The following ITFG1 variants were observed in gnomAD, a reference collection of about 807,000 sequenced individuals.
ITFG1 encodes T-cell immunomodulatory protein.
Under a neutral mutation model 81.8 loss-of-function variants are expected in ITFG1, and 34 were observed. The observed-to-expected ratio is 0.42, with a 90% confidence interval of 0.32 to 0.55. ITFG1 has a LOEUF of 0.55. ITFG1 is among the 20% of genes least tolerant of loss of function. The probability of loss-of-function intolerance (pLI) is 0.17; values close to 1 mark genes in which losing one functional copy is unlikely to be tolerated. For missense variants in ITFG1, 672 were observed against 755.4 expected (o/e 0.89, Z 1.29); for synonymous variants, 285 against 270.6 (o/e 1.05, Z -0.52).
At chr16:47,250,282 T>C (rs755440207) in intron 12 of ITFG1, among the ~76,000 whole-genome samples, 2 of 151,912 alleles carry the variant, frequency 1.3e-5, no homozygotes, top group Non-Finnish European at 2.9e-5. Flanking sequence ...TACAGAAACA[T>C]ATTTTTGAAG....
intron 5 of ITFG1, among the ~76,000 whole-genome samples, chr16:47,431,339 T>C (rs187203016): frequency 1.7e-4 from 26 of 152,306 alleles, no homozygotes; most frequent in Non-Finnish European, 2.6e-4. Context: ...AGTGGTGGCA[T>C]TGGATTCTCA....
chr16:47,275,244 T>A (rs1966385290), intron 10 of ITFG1, among the ~76,000 whole-genome samples: 1 of 152,144 alleles, frequency 6.6e-6, no homozygotes, highest in African/African-American at 2.4e-5. Context: ...TGGAATAATA[T>A]ATTTTCTTTG....
chr16:47,373,641 G>A, intron 7 of ITFG1, among the ~76,000 whole-genome samples: 1 of 152,124 alleles, frequency 6.6e-6, no homozygotes, highest in South Asian at 2.1e-4. Flanking sequence ...AGAAGCAACT[G>A]CTCTTTGAAT....
intron 5 of ITFG1, among the ~76,000 whole-genome samples, chr16:47,442,696 A>T (rs1969269321): frequency 6.6e-6 from 1 of 152,224 alleles, no homozygotes; most frequent in South Asian, 2.1e-4. Context: ...CTGGCTAGCC[A>T]TATGGAGAAA....
chr16:47,202,442 C>G (rs972124093), intron 14 of ITFG1: 2 of 152,060 alleles, frequency 1.3e-5, no homozygotes. Flanking sequence ...CATTAAAACC[C>G]CTTCTCATAA....
chr16:47,269,193 C>T (rs1428099306), intron 10 of ITFG1, among the ~76,000 whole-genome samples: 3 of 151,946 alleles, frequency 2.0e-5, no homozygotes, highest in East Asian at 1.9e-4. Context: ...AAAGGACATC[C>T]GGATTGGAAA....
intron 6 of ITFG1, among the ~76,000 whole-genome samples, chr16:47,397,872 C>A (rs576409382): frequency 1.3e-5 from 2 of 152,248 alleles, no homozygotes; most frequent in South Asian, 4.1e-4. Flanking sequence ...CTAGCCTCTA[C>A]CTTAGAGGAT....
At chr16:47,331,573 A>G (rs1318555696) in intron 8 of ITFG1, among the ~76,000 whole-genome samples, 1 of 152,212 alleles carries the variant, frequency 6.6e-6, no homozygotes, top group Non-Finnish European at 1.5e-5. Context: ...AGGTTATCCT[A>G]ACTTCTGCTT....
At chr16:47,283,590 AGGAATGCT>A (rs1966858791) in intron 10 of ITFG1, among the ~76,000 whole-genome samples, 2 of 152,342 alleles carry the variant, frequency 1.3e-5, no homozygotes, top group South Asian at 2.1e-4. Context: ...CCATGAGCCA[AGGAATGCT>A]GGTATTCTTA....
intron 6 of ITFG1, among the ~76,000 whole-genome samples, chr16:47,415,108 C>A (rs1339367789): frequency 1.3e-5 from 2 of 152,196 alleles, no homozygotes; most frequent in East Asian, 3.8e-4. Context: ...GCAGTTTCAA[C>A]CATAAAAATC....
intron 10 of ITFG1, among the ~76,000 whole-genome samples, chr16:47,262,445 T>G (rs1330506094): frequency 1.3e-5 from 2 of 152,246 alleles, no homozygotes; most frequent in Non-Finnish European, 2.9e-5. Context: ...CACAGAGATG[T>G]AGCACACTCT....
chr16:47,344,126 T>C (rs1967820146), intron 8 of ITFG1, among the ~76,000 whole-genome samples: 1 of 152,160 alleles, frequency 6.6e-6, no homozygotes, highest in Non-Finnish European at 1.5e-5. Context: ...GAATGAGGAA[T>C]TATTGCTTAA....
At chr16:47,406,668 A>G (rs1968733242) in intron 6 of ITFG1, among the ~76,000 whole-genome samples, 1 of 152,190 alleles carries the variant, frequency 6.6e-6, no homozygotes, top group African/African-American at 2.4e-5. Flanking sequence ...GCATTCTAGT[A>G]TGGGAAGAAG....
chr16:47,304,004 T>A (rs566078570), intron 10 of ITFG1, among the ~76,000 whole-genome samples: 1 of 152,196 alleles, frequency 6.6e-6, no homozygotes, highest in South Asian at 2.1e-4. Flanking sequence ...ACTAAGTCAC[T>A]GGGATTTGGA....
chr16:47,368,765 TA>T (rs969519596), intron 7 of ITFG1, among the ~76,000 whole-genome samples: 9 of 152,118 alleles, frequency 5.9e-5, no homozygotes, highest in African/African-American at 2.4e-5. Flanking sequence ...TATCTAGAAA[TA>T]TATAGATATA....
At chr16:47,396,477 G>A (rs1280802629) in intron 6 of ITFG1, among the ~76,000 whole-genome samples, 3 of 148,762 alleles carry the variant, frequency 2.0e-5, no homozygotes, top group African/African-American at 7.7e-5. Flanking sequence ...CTTGAATTTA[G>A]AATGTGAGAC....
chr16:47,291,394 C>T (rs1024968024), intron 10 of ITFG1, among the ~76,000 whole-genome samples: 1 of 151,960 alleles, frequency 6.6e-6, no homozygotes, highest in African/African-American at 2.4e-5. Flanking sequence ...GCCATTTGAC[C>T]ATTTAATTGC....
At chr16:47,286,895 C>T (rs535692727) in intron 10 of ITFG1, among the ~76,000 whole-genome samples, 9 of 152,310 alleles carry the variant, frequency 5.9e-5, no homozygotes, top group African/African-American at 2.2e-4. Flanking sequence ...TTAAAAAACT[C>T]ACTGAACATC....
chr16:47,188,290 G>A (rs1366620260), intron 14 of ITFG1, among the ~76,000 whole-genome samples: 1 of 152,092 alleles, frequency 6.6e-6, no homozygotes, highest in Non-Finnish European at 1.5e-5. Context: ...TATAAATCAT[G>A]CTACTATAAA....
Sources: gnomAD v4.1 joint callset for allele counts (sites outside exome capture counted in the v4.1 genomes callset) on GRCh38, gnomAD v4.1.1 for gene constraint, MANE v1.5 for transcripts, NCBI Gene and HGNC (gene_info 2026-07-23, HGNC 2026-07-21) for gene names.